The following GALNTL6 variants were observed in gnomAD, a reference collection of about 807,000 sequenced individuals.
GALNTL6 encodes the protein polypeptide N-acetylgalactosaminyltransferase-like 6.
Under a neutral mutation model 73.7 loss-of-function variants are expected in GALNTL6, and 46 were observed. The observed-to-expected ratio is 0.62, with a 90% confidence interval of 0.49 to 0.80. The LOEUF is 0.80. Ranked by LOEUF, GALNTL6 falls within the 30% of genes least tolerant of loss-of-function variation. The pLI, the probability that GALNTL6 is intolerant of heterozygous loss-of-function variation, is 0.00. For missense variants in GALNTL6, 604 were observed against 755.0 expected (o/e 0.80, Z 2.34); for synonymous variants, 259 against 263.7 (o/e 0.98, Z 0.17).
intron 2 of GALNTL6, among the ~76,000 whole-genome samples, chr4:172,052,058 A>G (rs1290009337): frequency 6.6e-6 from 1 of 152,112 alleles, no homozygotes; most frequent in East Asian, 1.9e-4. Flanking sequence ...ATTGCCTTTA[A>G]ACTTTTATTT....
chr4:172,717,902 T>C (rs1045685859), intron 5 of GALNTL6, among the ~76,000 whole-genome samples: 6 of 152,222 alleles, frequency 3.9e-5, no homozygotes, highest in African/African-American at 1.4e-4. Flanking sequence ...TGTTTATGTG[T>C]GTCTATGTAT....
rs1320371231 is a variant in GALNTL6, at chr4:171,910,809, T to TA, written c.138+96093dup. 2.0e-5 allele frequency among the ~76,000 whole-genome samples: 3 copies of TA among 152,294 alleles called. No individual in the cohort carries two copies. In the South Asian group the frequency reaches 6.2e-4, roughly 32 times the overall value. ...TTTTGTGAGAATGATATTTTTTTCT[T>TA]AATCAACAGGTTGGTACTCATAATA... On this transcript the variant is annotated intron_variant, in intron 2 of 12. Transcript: ENST00000506823.
intron 2 of GALNTL6, among the ~76,000 whole-genome samples, chr4:172,150,433 G>T (rs1484105252): frequency 6.6e-6 from 1 of 152,166 alleles, no homozygotes; most frequent in Non-Finnish European, 1.5e-5. Context: ...TGCTAAGAGA[G>T]AAGAGAAATG....
At chr4:171,886,535 A>T (rs1017565796) in intron 2 of GALNTL6, among the ~76,000 whole-genome samples, 17 of 152,172 alleles carry the variant, frequency 1.1e-4, no homozygotes, top group African/African-American at 4.1e-4. Context: ...GTCCATTTTC[A>T]CACTGATAAA....
At chr4:172,513,071 T>A (rs1220059830) in intron 5 of GALNTL6, among the ~76,000 whole-genome samples, 2 of 152,190 alleles carry the variant, frequency 1.3e-5, no homozygotes, top group Non-Finnish European at 2.9e-5. Context: ...AGATGCATCT[T>A]CTTTCTCGGG....
intron 7 of GALNTL6, among the ~76,000 whole-genome samples, chr4:172,832,725 C>T (rs1227307136): frequency 6.6e-6 from 1 of 152,160 alleles, no homozygotes; most frequent in Non-Finnish European, 1.5e-5. Flanking sequence ...AAGGCCAGAG[C>T]CTCACACCTG....
intron 5 of GALNTL6, among the ~76,000 whole-genome samples, chr4:172,447,126 G>A (rs927742049): frequency 1.3e-5 from 2 of 152,100 alleles, no homozygotes; most frequent in Admixed American, 6.6e-5. Context: ...GCTGTAAATA[G>A]CATTATAAAA....
At chr4:172,144,484 T>A (rs977601352) in intron 2 of GALNTL6, among the ~76,000 whole-genome samples, 3 of 152,054 alleles carry the variant, frequency 2.0e-5, no homozygotes, top group Non-Finnish European at 4.4e-5. Flanking sequence ...AATGGAGAAA[T>A]TTTCCCCAGT....
At chr4:172,945,404 A>G (rs1255561779) in intron 9 of GALNTL6, among the ~76,000 whole-genome samples, 2 of 152,194 alleles carry the variant, frequency 1.3e-5, no homozygotes, top group African/African-American at 4.8e-5. Context: ...ACATATACCA[A>G]ACTATTCACT....
chr4:172,812,009 A>AATGG (rs71910847), intron 6 of GALNTL6, among the ~76,000 whole-genome samples: 12,853 of 148,246 alleles, frequency 0.087, 1,401 homozygotes, highest in African/African-American at 0.26. Flanking sequence ...TGGATGGATA[A>AATGG]ATGGATGGAT....
intron 2 of GALNTL6, among the ~76,000 whole-genome samples, chr4:172,055,826 T>C (rs745522726): frequency 4.6e-5 from 7 of 152,176 alleles, no homozygotes; most frequent in Non-Finnish European, 8.8e-5. Flanking sequence ...TCTATAGTTT[T>C]AGATTTCACA....
At chr4:172,982,835 G>C (rs1459308568) in intron 10 of GALNTL6, among the ~76,000 whole-genome samples, 1 of 152,034 alleles carries the variant, frequency 6.6e-6, no homozygotes, top group Non-Finnish European at 1.5e-5. Context: ...AGATTTTCTA[G>C]ATGAGGTATA....
intron 2 of GALNTL6, among the ~76,000 whole-genome samples, chr4:171,857,447 T>C (rs1282030359): frequency 6.6e-6 from 1 of 152,082 alleles, no homozygotes; most frequent in African/African-American, 2.4e-5. Context: ...ATAGAGAATC[T>C]TGGCTTGAAG....
chr4:172,921,687 T>G (rs1664225407), intron 8 of GALNTL6, among the ~76,000 whole-genome samples: 1 of 150,746 alleles, frequency 6.6e-6, no homozygotes, highest in South Asian at 2.1e-4. Context: ...CCCAGCTATT[T>G]GGGAGCCTGA....
chr4:172,093,853 G>T (rs72990320), intron 2 of GALNTL6, among the ~76,000 whole-genome samples: 5,062 of 152,278 alleles, frequency 0.033, 269 homozygotes, highest in African/African-American at 0.11. Context: ...TCGTGAGACT[G>T]TTTAGTTGCA....
chr4:172,553,863 C>G (rs1225224147), intron 5 of GALNTL6, among the ~76,000 whole-genome samples: 22 of 151,984 alleles, frequency 1.4e-4, no homozygotes, highest in Non-Finnish European at 2.9e-5. Flanking sequence ...TTGAGACTAT[C>G]CTGGACAACA....
intron 2 of GALNTL6, among the ~76,000 whole-genome samples, chr4:172,000,082 T>A (rs1229910457): frequency 1.3e-5 from 2 of 152,154 alleles, no homozygotes; most frequent in Non-Finnish European, 2.9e-5. Context: ...GAACAATGAG[T>A]GTTTATGATC....
chr4:172,258,962 T>A (rs141208918), intron 3 of GALNTL6, among the ~76,000 whole-genome samples: 1 of 151,424 alleles, frequency 6.6e-6, no homozygotes, highest in African/African-American at 2.4e-5. Context: ...TTCCATCATA[T>A]ATATATGCCA....
chr4:172,676,294 G>A (rs1732297787), intron 5 of GALNTL6, among the ~76,000 whole-genome samples: 1 of 152,178 alleles, frequency 6.6e-6, no homozygotes, highest in African/African-American at 2.4e-5. Flanking sequence ...CTTTCCAATT[G>A]GAAGACTTTT....
Sources: gnomAD v4.1 joint callset for allele counts (sites outside exome capture counted in the v4.1 genomes callset) on GRCh38, gnomAD v4.1.1 for gene constraint, MANE v1.5 for transcripts, NCBI Gene and HGNC (gene_info 2026-07-23, HGNC 2026-07-21) for gene names.